LAMP3: variants seen among roughly 807,000 people sequenced by gnomAD.
LAMP3 encodes the protein lysosome associated membrane protein 3, also known as lysosome-associated membrane glycoprotein 3.
A neutral mutation model predicts 34.8 loss-of-function variants in LAMP3; 26 were observed. The observed-to-expected ratio is 0.75, with a 90% CI of 0.55 to 1.04. The LOEUF (loss-of-function observed/expected upper bound fraction) is 1.04, where lower values mean the gene tolerates loss of function less well. Among genes scored for constraint, LAMP3 ranks in the 50% least tolerant of loss-of-function variants. The pLI is 0.00. For synonymous variants in LAMP3, 180 were observed against 201.9 expected, an observed-to-expected ratio of 0.89 and a Z score of 0.92; for missense variants, 495 against 524.0, an observed-to-expected ratio of 0.94 and a Z score of 0.54.
At chr3:183,136,179 G>A (rs1720082861) in intron 4 of LAMP3, among the ~76,000 whole-genome samples, 1 of 152,206 alleles carries the variant, frequency 6.6e-6, no homozygotes, top group African/African-American at 2.4e-5. Flanking sequence ...TGGGGACAGA[G>A]TGGGTGGGAA....
At chr3:183,136,281 C>A (rs1720085820) in intron 4 of LAMP3, among the ~76,000 whole-genome samples, 1 of 152,114 alleles carries the variant, frequency 6.6e-6, no homozygotes. Context: ...TCACAGAACC[C>A]TTAATGAATC....
At chr3:183,137,700 GA>G (rs1306067279) in intron 4 of LAMP3, among the ~76,000 whole-genome samples, 1 of 152,068 alleles carries the variant, frequency 6.6e-6, no homozygotes, top group East Asian at 1.9e-4. Context: ...CCACTAACAT[GA>G]AAATCATCAT....
chr3:183,136,803 C>T (rs1445451048), intron 4 of LAMP3, among the ~76,000 whole-genome samples: 1 of 152,004 alleles, frequency 6.6e-6, no homozygotes. Flanking sequence ...GAAAGGTACA[C>T]CCTGTTCAAG....
chr3:183,162,147 C>G (rs1720993900), intron 1 of LAMP3: 1 of 173,206 alleles, frequency 5.8e-6, no homozygotes, highest in Non-Finnish European at 1.2e-5. Context: ...ATAAACTCAG[C>G]GTCCCAGACG....
chr3:183,130,775 C>T (rs1232002549), intron 5 of LAMP3, among the ~76,000 whole-genome samples: 1 of 152,132 alleles, frequency 6.6e-6, no homozygotes. Context: ...TTTACTCTTC[C>T]CAGTCTTCCT....
At chr3:183,131,731 A>G (rs1473243946) in intron 5 of LAMP3, among the ~76,000 whole-genome samples, 1 of 152,234 alleles carries the variant, frequency 6.6e-6, no homozygotes, top group Non-Finnish European at 1.5e-5. Context: ...TGTCATGTTA[A>G]AAATAATGAA....
chr3:183,157,937 G>A, intron 1 of LAMP3, among the ~76,000 whole-genome samples: 1 of 152,248 alleles, frequency 6.6e-6, no homozygotes, highest in Non-Finnish European at 1.5e-5. Flanking sequence ...GTGGCTAGAG[G>A]TGATGGCAGT....
intron 5 of LAMP3, among the ~76,000 whole-genome samples, chr3:183,129,361 C>T (rs2108595289): frequency 6.6e-6 from 1 of 152,196 alleles, no homozygotes; most frequent in East Asian, 1.9e-4. Context: ...CTTAAATCTT[C>T]AAATATATCT....
intron 3 of LAMP3, among the ~76,000 whole-genome samples, chr3:183,144,749 A>G (rs1187508158): frequency 6.6e-6 from 1 of 152,142 alleles, no homozygotes; most frequent in African/African-American, 2.4e-5. Flanking sequence ...AGAAAAAAAT[A>G]CACAAATTAG....
At chr3:183,128,147 CAAA>C (rs56282591) in intron 5 of LAMP3, among the ~76,000 whole-genome samples, 1 of 126,748 alleles carries the variant, frequency 7.9e-6, no homozygotes, top group South Asian at 2.6e-4. Context: ...CACTCCATCT[CAAA>C]AAAAAAAAAA....
intron 5 of LAMP3, among the ~76,000 whole-genome samples, chr3:183,135,380 T>C (rs1720050005): frequency 6.6e-6 from 1 of 152,250 alleles, no homozygotes; most frequent in Admixed American, 6.5e-5. Context: ...TAAAGTGTTC[T>C]CCAAACATAT....
chr3:183,135,868 G>T lies in LAMP3; in HGVS notation c.966C>A (p.Ile322=). ...TCTGGAACATCACCACCGCATGTTT[G>T]ATTCCTTGGTAAATTGTCTCTGAAA... The part of the protein sequence containing the change: ...VSDPETIYQG[I]KHAVVMFQTA... Residue 322 remains isoleucine (I), a synonymous_variant, in exon 5 of 6, where the codon ATC becomes ATA. Coordinates refer to ENST00000265598, the MANE Select transcript of LAMP3 (RefSeq NM_014398.4). 1 of 1,613,702 alleles carries T rather than the reference G, an allele frequency of 6.2e-7. No individual in the cohort carries two copies. Among genetic ancestry groups the T allele is most frequent in the East Asian group, 2.2e-5 (1 of 44,892 alleles).
At chr3:183,155,787 T>C (rs1720805428) in intron 1 of LAMP3, among the ~76,000 whole-genome samples, 1 of 152,242 alleles carries the variant, frequency 6.6e-6, no homozygotes, top group Non-Finnish European at 1.5e-5. Context: ...TGCCTGCACA[T>C]AGACAGTGTT....
In LAMP3 at chr3:183,146,522, A is replaced by ATTT. The variant is rs1192142107; in HGVS notation, c.888+5850_888+5852dup. 1.0e-3 allele frequency among the ~76,000 whole-genome samples: 135 copies of ATTT among 130,072 alleles called. 1 individual carries two copies. Among genetic ancestry groups the ATTT allele is most frequent in the East Asian group, 3.4e-3 (15 of 4,402 alleles). 85.3% of individuals were successfully genotyped at this position (130,072 alleles called of 152,430 possible). A position where few individuals can be genotyped will look rare whatever the true frequency, so the allele number is the denominator to read the frequency against. The stretch of plus-strand genomic sequence containing the variant: ...GTTTTTTGGCCAGCATGGTGCTCAA[A>ATTT]TTTTTTTTTTTTTTTTTTTTTTGAG... On this transcript the variant is annotated intron_variant, in intron 3 of 5. Transcript: ENST00000265598.
chr3:183,160,557 A>G (rs1251786780), intron 1 of LAMP3, among the ~76,000 whole-genome samples: 3 of 152,204 alleles, frequency 2.0e-5, no homozygotes, highest in Non-Finnish European at 4.4e-5. Flanking sequence ...TGCCAGTCTC[A>G]GGAATGCTAC....
At chr3:183,160,342 T>C (rs1720941171) in intron 1 of LAMP3, among the ~76,000 whole-genome samples, 1 of 152,238 alleles carries the variant, frequency 6.6e-6, no homozygotes, top group Non-Finnish European at 1.5e-5. Context: ...AGCCTATGCA[T>C]GCAGGATCAT....
chr3:183,152,515 T>C lies in LAMP3; in HGVS notation c.760-12A>G, dbSNP rs1560314214. On this transcript the variant is annotated splice_polypyrimidine_tract_variant and intron_variant, in intron 2 of 5. Coordinates refer to ENST00000265598, the MANE Select transcript of LAMP3 (RefSeq NM_014398.4). Reference sequence around the variant, plus strand: ...CGAGGTGAAAAAACCTAAATCAAGTTAGATAGATCAGCTAAATGAGATGTA... The same window carrying C: ...CGAGGTGAAAAAACCTAAATCAAGTCAGATAGATCAGCTAAATGAGATGTA... 1 of 1,601,102 alleles carries C rather than the reference T, an allele frequency of 6.2e-7. No individual in the cohort carries two copies. Among genetic ancestry groups the C allele is most frequent in the Non-Finnish European group, 8.5e-7 (1 of 1,174,920 alleles).
chr3:183,143,578 C>T (rs899500792), intron 3 of LAMP3, among the ~76,000 whole-genome samples: 1 of 152,160 alleles, frequency 6.6e-6, no homozygotes, highest in Non-Finnish European at 1.5e-5. Context: ...CTGACTCACC[C>T]TTTCCATATG....
At chr3:183,155,858 A>G (rs1720807744) in intron 1 of LAMP3, among the ~76,000 whole-genome samples, 1 of 152,236 alleles carries the variant, frequency 6.6e-6, no homozygotes. Flanking sequence ...ACAGCATTGT[A>G]GGCCTTTTAG....
Sources: gnomAD v4.1 joint callset for allele counts (sites outside exome capture counted in the v4.1 genomes callset) on GRCh38, gnomAD v4.1.1 for gene constraint, MANE v1.5 for transcripts, NCBI Gene and HGNC (gene_info 2026-07-23, HGNC 2026-07-21) for gene names.